The following FGD4 variants were observed in gnomAD, a reference collection of about 807,000 sequenced individuals.
The protein encoded by FGD4 is FYVE, RhoGEF and PH domain containing 4.
Under a neutral mutation model 102.0 loss-of-function variants are expected in FGD4, and 42 were observed. The observed-to-expected ratio is 0.41, with a 90% confidence interval of 0.32 to 0.53. FGD4 has a LOEUF of 0.53. Among genes scored for constraint, FGD4 ranks in the 20% least tolerant of loss-of-function variants. FGD4 has a pLI of 0.21. For synonymous variants in FGD4, 380 were observed against 375.7 expected, an observed-to-expected ratio of 1.01 and a Z score of -0.13; for missense variants, 902 against 1,078.2, an observed-to-expected ratio of 0.84 and a Z score of 2.29.
At chr12:32,434,568 G>A (rs765106951) in intron 1 of FGD4, among the ~76,000 whole-genome samples, 5 of 152,154 alleles carry the variant, frequency 3.3e-5, no homozygotes, top group Non-Finnish European at 5.9e-5. Flanking sequence ...TAATTACACT[G>A]TATTCCTCAG....
At chr12:32,538,451 A>C (rs1177986347) in intron 1 of FGD4, among the ~76,000 whole-genome samples, 2 of 152,182 alleles carry the variant, frequency 1.3e-5, no homozygotes. Flanking sequence ...TTCTCTTTTA[A>C]GAATAAATAT....
intron 1 of FGD4, among the ~76,000 whole-genome samples, chr12:32,416,009 C>G (rs1287166377): frequency 6.6e-6 from 1 of 151,958 alleles, no homozygotes; most frequent in Admixed American, 6.6e-5. Flanking sequence ...TCCATTCAGC[C>G]TCTCCATGTC....
intron 1 of FGD4, among the ~76,000 whole-genome samples, chr12:32,547,437 T>C (rs1346458265): frequency 2.6e-5 from 4 of 151,940 alleles, no homozygotes; most frequent in African/African-American, 9.7e-5. Context: ...AAACAAAAAA[T>C]ACACACACAT....
At chr12:32,427,687 G>T (rs1217793650) in intron 1 of FGD4, among the ~76,000 whole-genome samples, 1 of 152,176 alleles carries the variant, frequency 6.6e-6, no homozygotes, top group East Asian at 1.9e-4. Flanking sequence ...CTATTATTGT[G>T]TAGGAGTCTA....
chr12:32,560,631 G>A (rs1350781902), intron 1 of FGD4, among the ~76,000 whole-genome samples: 2 of 152,102 alleles, frequency 1.3e-5, no homozygotes, highest in African/African-American at 4.8e-5. Flanking sequence ...ACTAAACAAT[G>A]CTTAATCTCG....
intron 1 of FGD4, among the ~76,000 whole-genome samples, chr12:32,527,289 C>G (rs1259707401): frequency 2.0e-5 from 3 of 152,158 alleles, no homozygotes; most frequent in Non-Finnish European, 4.4e-5. Context: ...ACATACACGT[C>G]GAAGGGTGTC....
rs538583876 is a variant in FGD4 at position 32,562,170 on chromosome 12, C to T, written c.167-1967C>T. Reference sequence around the variant, plus strand: ...AGGAAGGCTTTTAACGGATTAATTCCGTCCTTTCCTTCGCCTACATTGTAG... The same window carrying T: ...AGGAAGGCTTTTAACGGATTAATTCTGTCCTTTCCTTCGCCTACATTGTAG... On this transcript the variant is annotated intron_variant, in intron 1 of 16. Transcript: ENST00000534526. Among the ~76,000 whole-genome samples the T allele has an allele frequency of 3.9e-5, 6 of 152,278 alleles. No homozygotes were observed. The South Asian group carries it at 8.3e-4, about 21-fold the overall frequency.
At chr12:32,610,193 CTGTG>C (rs1462307056) in intron 8 of FGD4, among the ~76,000 whole-genome samples, 1 of 152,200 alleles carries the variant, frequency 6.6e-6, no homozygotes, top group Non-Finnish European at 1.5e-5. Flanking sequence ...AATAGCATAG[CTGTG>C]TGACCTCAGC....
chr12:32,589,524 A>T (rs1042611522), intron 4 of FGD4, among the ~76,000 whole-genome samples: 3 of 152,226 alleles, frequency 2.0e-5, no homozygotes, highest in African/African-American at 7.2e-5. Context: ...AGGTTAATTC[A>T]GTTATTTAAT....
intron 1 of FGD4, among the ~76,000 whole-genome samples, chr12:32,489,701 G>A (rs1565772803): frequency 6.6e-6 from 1 of 152,116 alleles, no homozygotes; most frequent in African/African-American, 2.4e-5. Context: ...GGTGGTTTGT[G>A]TTATATACAC....
At chr12:32,412,084 TA>T (rs1941234042) in intron 1 of FGD4, among the ~76,000 whole-genome samples, 1 of 152,200 alleles carries the variant, frequency 6.6e-6, no homozygotes, top group African/African-American at 2.4e-5. Context: ...AATACTTACA[TA>T]ATCTTATTTC....
At chr12:32,564,817 C>T (rs1945051049) in intron 2 of FGD4, among the ~76,000 whole-genome samples, 1 of 152,044 alleles carries the variant, frequency 6.6e-6, no homozygotes, top group Non-Finnish European at 1.5e-5. Context: ...AAAGAAAAAG[C>T]CATAATGGTA....
chr12:32,449,929 A>G (rs902446340), intron 1 of FGD4, among the ~76,000 whole-genome samples: 1 of 149,100 alleles, frequency 6.7e-6, no homozygotes, highest in African/African-American at 2.5e-5. Context: ...ATTTTTTTTT[A>G]TTTTATTTAT....
Position 32,531,930 on chromosome 12 carries a change from A to G in FGD4, c.167-32207A>G, listed in dbSNP as rs537060557. Among the ~76,000 whole-genome samples the G allele has an allele frequency of 3.9e-5, 6 of 152,310 alleles. No homozygotes were observed. In the East Asian group the frequency reaches 5.8e-4, roughly 15 times the overall value. On this transcript the variant is annotated intron_variant, in intron 1 of 16. Transcript: ENST00000534526. ...TCCACTTGTGGGCAATTGAGAGTCAATCATAATTGTTATATTTTATTTTAG... is the reference window on the plus strand; with the variant it reads ...TCCACTTGTGGGCAATTGAGAGTCAGTCATAATTGTTATATTTTATTTTAG...
At chr12:32,557,517 T>A (rs1270151767) in intron 1 of FGD4, among the ~76,000 whole-genome samples, 1 of 152,250 alleles carries the variant, frequency 6.6e-6, no homozygotes, top group African/African-American at 2.4e-5. Context: ...TTCTATAGTG[T>A]TATATTTACC....
At chr12:32,401,209 GTACAGA>G (rs1343339329) in intron 1 of FGD4, among the ~76,000 whole-genome samples, 2 of 152,202 alleles carry the variant, frequency 1.3e-5, no homozygotes, top group Admixed American at 6.5e-5. Flanking sequence ...GTTATTTAAT[GTACAGA>G]ATTTGTTAAT....
intron 4 of FGD4, among the ~76,000 whole-genome samples, chr12:32,586,762 A>G (rs1422096500): frequency 6.6e-6 from 1 of 152,178 alleles, no homozygotes; most frequent in Non-Finnish European, 1.5e-5. Flanking sequence ...CCTAGGCTGG[A>G]TGAATTGGCA....
chr12:32,591,270 G>A (rs557641795), intron 4 of FGD4, among the ~76,000 whole-genome samples: 1 of 152,142 alleles, frequency 6.6e-6, no homozygotes, highest in Non-Finnish European at 1.5e-5. Flanking sequence ...ATTTACTTAG[G>A]TCATTTACGT....
chr12:32,534,437 C>T (rs1565812857), intron 1 of FGD4: 9 of 1,525,726 alleles, frequency 5.9e-6, no homozygotes, highest in Middle Eastern at 1.7e-4. Flanking sequence ...AGCCAAATAT[C>T]TTTTTATTAA....
Sources: gnomAD v4.1 joint callset for allele counts (sites outside exome capture counted in the v4.1 genomes callset) on GRCh38, gnomAD v4.1.1 for gene constraint, MANE v1.5 for transcripts, NCBI Gene and HGNC (gene_info 2026-07-23, HGNC 2026-07-21) for gene names.